Variants in NALF1 observed in about 807,000 individuals in gnomAD.
The protein encoded by NALF1 is NALCN channel auxiliary factor 1.
NALF1 carries 3 observed loss-of-function variants against 48.4 expected under a neutral mutation model. The ratio of observed to expected loss-of-function variants is 0.06; its 90% CI spans 0.03 to 0.16. NALF1 has a LOEUF of 0.16. NALF1 is among the 10% of genes least tolerant of loss of function. The probability of loss-of-function intolerance (pLI) is 1.00; values close to 1 mark genes in which losing one functional copy is unlikely to be tolerated. For synonymous variants in NALF1, 262 were observed against 245.7 expected (o/e 1.07, Z -0.62); for missense variants, 526 against 571.5 (o/e 0.92, Z 0.81).
At chr13:107,751,848 C>A (rs137897609) in intron 1 of NALF1, among the ~76,000 whole-genome samples, 165 of 152,202 alleles carry the variant, frequency 1.1e-3, no homozygotes, top group African/African-American at 3.7e-3. Context: ...TGCACACACA[C>A]ATATATTATA....
chr13:107,787,230 A>C (rs982888995), intron 1 of NALF1, among the ~76,000 whole-genome samples: 1 of 152,212 alleles, frequency 6.6e-6, no homozygotes. Flanking sequence ...ATATATTCTT[A>C]TGTTGATGAG....
intron 1 of NALF1, among the ~76,000 whole-genome samples, chr13:107,479,009 G>A (rs1885214061): frequency 6.6e-6 from 1 of 152,090 alleles, no homozygotes; most frequent in Non-Finnish European, 1.5e-5. Context: ...GGCAAACCAG[G>A]AGAATTAAAA....
intron 1 of NALF1, among the ~76,000 whole-genome samples, chr13:107,668,481 C>T (rs1457134300): frequency 1.3e-5 from 2 of 152,008 alleles, no homozygotes; most frequent in East Asian, 1.9e-4. Flanking sequence ...GAACCCACTA[C>T]TGAGAAACAT....
intron 1 of NALF1, among the ~76,000 whole-genome samples, chr13:107,287,850 C>T (rs989458953): frequency 2.0e-5 from 3 of 151,664 alleles, no homozygotes; most frequent in South Asian, 4.2e-4. Context: ...GGATTACAAG[C>T]GCCTGCCACC....
At chr13:107,572,598 C>T (rs184747909) in intron 1 of NALF1, among the ~76,000 whole-genome samples, 4 of 152,242 alleles carry the variant, frequency 2.6e-5, no homozygotes, top group Admixed American at 6.5e-5. Flanking sequence ...CAGGAGAACT[C>T]GTCACATTGC....
chr13:107,528,718 C>A (rs925495403), intron 1 of NALF1, among the ~76,000 whole-genome samples: 1 of 152,116 alleles, frequency 6.6e-6, no homozygotes, highest in Admixed American at 6.6e-5. Flanking sequence ...GATGAGACAG[C>A]CTCCTGATAC....
chr13:107,646,845 C>CTAATGAGA (rs1382016960), intron 1 of NALF1, among the ~76,000 whole-genome samples: 3 of 151,936 alleles, frequency 2.0e-5, no homozygotes, highest in Non-Finnish European at 2.9e-5. Flanking sequence ...AGAGTGTTCT[C>CTAATGAGA]ATTAGGAAAG....
intron 1 of NALF1, among the ~76,000 whole-genome samples, chr13:107,736,686 A>T (rs1249410467): frequency 6.6e-6 from 1 of 152,196 alleles, no homozygotes; most frequent in African/African-American, 2.4e-5. Context: ...TGCTGCCAAC[A>T]AATTCTAGTC....
intron 1 of NALF1, among the ~76,000 whole-genome samples, chr13:107,528,945 T>TAGGTACA (rs1267908024): frequency 6.6e-6 from 1 of 152,162 alleles, no homozygotes; most frequent in Non-Finnish European, 1.5e-5. Context: ...CATGAACTGT[T>TAGGTACA]AGGTACATGG....
intron 1 of NALF1, among the ~76,000 whole-genome samples, chr13:107,683,027 C>G (rs1314224223): frequency 1.3e-5 from 2 of 152,136 alleles, no homozygotes; most frequent in East Asian, 3.9e-4. Context: ...CTTTGGGAGG[C>G]TGAGGAGGGA....
chr13:107,374,161 A>G (rs752474951), intron 1 of NALF1, among the ~76,000 whole-genome samples: 4 of 152,176 alleles, frequency 2.6e-5, no homozygotes, highest in African/African-American at 4.8e-5. Context: ...TTCTCTGTCT[A>G]CTTTCCTACG....
chr13:107,717,150 T>G (rs547469642), intron 1 of NALF1, among the ~76,000 whole-genome samples: 52 of 152,304 alleles, frequency 3.4e-4, no homozygotes, highest in African/African-American at 1.3e-3. Context: ...AGTAAGATTT[T>G]CCTTTACCCT....
chr13:107,538,072 A>T (rs1434659682), intron 1 of NALF1, among the ~76,000 whole-genome samples: 1 of 152,078 alleles, frequency 6.6e-6, no homozygotes, highest in Non-Finnish European at 1.5e-5. Flanking sequence ...TTCCAGAGCA[A>T]CAGTAATCTT....
At chr13:107,288,321 G>T (rs200074872) in intron 1 of NALF1, among the ~76,000 whole-genome samples, 1 of 145,506 alleles carries the variant, frequency 6.9e-6, no homozygotes, top group Non-Finnish European at 1.5e-5. Context: ...CCGGGTTCAC[G>T]CCATTCTCCT....
intron 1 of NALF1, among the ~76,000 whole-genome samples, chr13:107,628,255 G>T (rs1361353441): frequency 6.6e-6 from 1 of 152,104 alleles, no homozygotes; most frequent in Non-Finnish European, 1.5e-5. Context: ...TGGTCATTCG[G>T]TGTTATAAAT....
intron 1 of NALF1, among the ~76,000 whole-genome samples, chr13:107,318,129 C>A (rs977471849): frequency 6.6e-6 from 1 of 152,088 alleles, no homozygotes; most frequent in Non-Finnish European, 1.5e-5. Context: ...AGCAAATAAT[C>A]TTTTTTCTAT....
At chr13:107,329,071 T>C (rs1235214302) in intron 1 of NALF1, among the ~76,000 whole-genome samples, 2 of 152,170 alleles carry the variant, frequency 1.3e-5, no homozygotes, top group South Asian at 2.1e-4. Flanking sequence ...TGCAACATCT[T>C]AGATTATATC....
chr13:107,800,397 T>C (rs1409292175), intron 1 of NALF1, among the ~76,000 whole-genome samples: 1 of 151,826 alleles, frequency 6.6e-6, no homozygotes, highest in East Asian at 1.9e-4. Flanking sequence ...TTTACACTCA[T>C]GGAATTAAGT....
intron 1 of NALF1, among the ~76,000 whole-genome samples, chr13:107,408,330 C>T (rs765350438): frequency 6.6e-6 from 1 of 151,460 alleles, no homozygotes; most frequent in Non-Finnish European, 1.5e-5. Flanking sequence ...TTATGTATAC[C>T]CATTTACCCT....
Sources: allele counts gnomAD v4.1 joint callset (sites outside exome capture counted in the v4.1 genomes callset), GRCh38; gene constraint gnomAD v4.1.1; transcripts MANE v1.5; gene names NCBI Gene and HGNC (gene_info 2026-07-23, HGNC 2026-07-21).